The following TANK variants were observed in gnomAD, a reference collection of about 807,000 sequenced individuals.
TANK encodes the protein TRAF family member-associated NF-kappa-B activator.
A neutral mutation model predicts 43.6 loss-of-function variants in TANK; 15 were observed. The observed-to-expected ratio is 0.34, with a 90% CI of 0.23 to 0.53. The LOEUF is 0.53. Among genes scored for constraint, TANK ranks in the 20% least tolerant of loss-of-function variants. The pLI is 0.94. For missense variants in TANK, 417 were observed against 498.6 expected (o/e 0.84, Z 1.56); for synonymous variants, 162 against 178.2 (o/e 0.91, Z 0.73).
rs147280946 is a variant in TANK at position 161,172,481 on chromosome 2, T to C, written c.-49-7133T>C. Among the ~76,000 whole-genome samples the C allele has an allele frequency of 1.7e-4, 26 of 151,892 alleles. No individual in the cohort carries two copies. The East Asian group carries it at 4.8e-3, about 28-fold the overall frequency. On this transcript the variant is annotated intron_variant, in intron 1 of 7. Coordinates refer to ENST00000392749, the MANE Select transcript of TANK (RefSeq NM_001199135.3). The stretch of plus-strand genomic sequence containing the variant: ...ACAAACAATAGTGAAGGCATAGTTA[T>C]CTTCATTTTTTTCCTATAGATAATT...
At chr2:161,234,742 AT>A (rs1041169461) in intron 7 of TANK, among the ~76,000 whole-genome samples, 7 of 152,222 alleles carry the variant, frequency 4.6e-5, no homozygotes, top group African/African-American at 9.6e-5. Flanking sequence ...ATTTTGTTGA[AT>A]GATTAAATAT....
intron 6 of TANK, among the ~76,000 whole-genome samples, chr2:161,228,876 T>A (rs759569491): frequency 3.7e-4 from 57 of 152,248 alleles, no homozygotes; most frequent in Non-Finnish European, 7.2e-4. Flanking sequence ...AGTAACATGT[T>A]GTATAGGTTT....
chr2:161,162,625 G>A (rs555073822), intron 1 of TANK: 1 of 152,052 alleles, frequency 6.6e-6, no homozygotes, highest in African/African-American at 2.4e-5. Flanking sequence ...TTTTTATTAT[G>A]TCATCATTAA....
chr2:161,214,272 T>C (rs977619735), intron 4 of TANK, among the ~76,000 whole-genome samples: 2 of 152,200 alleles, frequency 1.3e-5, no homozygotes, highest in African/African-American at 4.8e-5. Context: ...AGTCATTCTT[T>C]CAAGCAAAAA....
intron 5 of TANK, among the ~76,000 whole-genome samples, chr2:161,224,305 A>C (rs952130535): frequency 6.6e-6 from 1 of 152,070 alleles, no homozygotes; most frequent in Non-Finnish European, 1.5e-5. Context: ...TATTCTATTT[A>C]AGATATTTGC....
rs940865950 is a variant in TANK at position 161,161,330 on chromosome 2, G to A, written c.-50+844G>A. 1.0e-5 allele frequency: 16 copies of A among 1,550,560 alleles called. No individual in the cohort carries two copies. In the African/African-American group the frequency reaches 1.8e-4, roughly 17 times the overall value. ...TAATAAGGGAGAGATGGTAGTAAAGGAAGTGAAGAAGCGACGTGAAATTGA... is the reference window on the plus strand; with the variant it reads ...TAATAAGGGAGAGATGGTAGTAAAGAAAGTGAAGAAGCGACGTGAAATTGA... On this transcript the variant is annotated intron_variant, in intron 1 of 7. Transcript: ENST00000392749.
chr2:161,189,169 A>G (rs576726918), intron 2 of TANK, among the ~76,000 whole-genome samples: 3 of 152,356 alleles, frequency 2.0e-5, no homozygotes, highest in South Asian at 2.1e-4. Flanking sequence ...CCAACAGCAT[A>G]TTAAAAGAAT....
At chr2:161,176,569 G>T (rs927950881) in intron 1 of TANK, among the ~76,000 whole-genome samples, 23 of 152,078 alleles carry the variant, frequency 1.5e-4, no homozygotes, top group Non-Finnish European at 1.3e-4. Context: ...TTTTAGTGCT[G>T]CATTTACATT....
chr2:161,147,647 G>A (rs781486681), intron 1 of TANK, among the ~76,000 whole-genome samples: 9 of 151,362 alleles, frequency 5.9e-5, no homozygotes, highest in Non-Finnish European at 1.0e-4. Context: ...CAGCTGCCTG[G>A]TCAGTTCTGA....
intron 1 of TANK, among the ~76,000 whole-genome samples, chr2:161,148,044 G>A (rs541217319): frequency 7.2e-4 from 109 of 152,276 alleles, no homozygotes; most frequent in Admixed American, 3.2e-3. Context: ...ATACCTATCA[G>A]TAGAATTCTG....
rs1687890743 is a variant in TANK at position 161,231,124 on chromosome 2, C to T, written c.674C>T (p.Ser225Phe). 6.2e-7 allele frequency: 1 copy of T among 1,614,126 alleles called. No individual in the cohort carries two copies. Among genetic ancestry groups the T allele is most frequent in the Middle Eastern group, 1.6e-4 (1 of 6,062 alleles). ...CTGTGCAGAGATGAGGAAGACACCT[C>T]TTTTGAATCACTTTCTAAATTCAAT... Reference protein sequence around the residue: ...RGLCRDEEDTSFESLSKFNVK... With the variant: ...RGLCRDEEDTFFESLSKFNVK... The change falls in exon 7 of 8, where the codon TCT becomes TTT. Residue 225 changes from serine to phenylalanine, a missense_variant. Physicochemically the swap from Ser to Phe is radical, Grantham distance 155. Coordinates refer to ENST00000392749, the MANE Select transcript of TANK (RefSeq NM_001199135.3).
At chr2:161,225,901 A>G (rs1172848618) in intron 6 of TANK, among the ~76,000 whole-genome samples, 2 of 152,154 alleles carry the variant, frequency 1.3e-5, no homozygotes, top group Admixed American at 6.6e-5. Context: ...CTTTGTAGAC[A>G]GACATAATTT....
intron 1 of TANK, among the ~76,000 whole-genome samples, chr2:161,171,855 T>C (rs1421741582): frequency 6.6e-6 from 1 of 152,212 alleles, no homozygotes; most frequent in Non-Finnish European, 1.5e-5. Flanking sequence ...GTGACTTCTG[T>C]TATTGTCTTG....
At chr2:161,181,052 A>C (rs924399744) in intron 2 of TANK, among the ~76,000 whole-genome samples, 1 of 152,132 alleles carries the variant, frequency 6.6e-6, no homozygotes, top group Non-Finnish European at 1.5e-5. Context: ...ATCATTTAGG[A>C]AAGGTTTTCA....
chr2:161,201,666 C>G (rs1282439608), intron 2 of TANK, among the ~76,000 whole-genome samples: 1 of 152,186 alleles, frequency 6.6e-6, no homozygotes, highest in Non-Finnish European at 1.5e-5. Flanking sequence ...TTTGCTGATT[C>G]TTCAGCCCTG....
chr2:161,184,597 G>T (rs1685574504), intron 2 of TANK, among the ~76,000 whole-genome samples: 1 of 152,116 alleles, frequency 6.6e-6, no homozygotes, highest in Admixed American at 6.6e-5. Flanking sequence ...TTGGGGAAAA[G>T]ATTTAAGGTT....
chr2:161,179,802 A>G (rs1685338622), intron 2 of TANK, 41 bp downstream of exon 2: 1 of 1,576,386 alleles, frequency 6.3e-7, no homozygotes, highest in South Asian at 1.2e-5. Flanking sequence ...TTATCTTGGT[A>G]CATGGAATTT....
chr2:161,149,763 T>G (rs1262117398), intron 1 of TANK, among the ~76,000 whole-genome samples: 1 of 152,030 alleles, frequency 6.6e-6, no homozygotes, highest in African/African-American at 2.4e-5. Flanking sequence ...TTTTTCCATT[T>G]TTCTATGATG....
Position 161,176,620 on chromosome 2 carries a change from C to G in TANK, c.-49-2994C>G, listed in dbSNP as rs570901697. On this transcript the variant is annotated intron_variant, in intron 1 of 7. Coordinates refer to ENST00000392749, the MANE Select transcript of TANK (RefSeq NM_001199135.3). ...GCACCTTCTCGATAGAACAGACATGCATTTTTAACTCACAAACTCAAGAAC... is the reference window on the plus strand; with the variant it reads ...GCACCTTCTCGATAGAACAGACATGGATTTTTAACTCACAAACTCAAGAAC... Among the ~76,000 whole-genome samples, 3 of 152,214 alleles carry G rather than the reference C, an allele frequency of 2.0e-5. No homozygotes were observed. In the East Asian group the frequency reaches 5.8e-4, roughly 29 times the overall value.
Sources: allele counts gnomAD v4.1 joint callset (sites outside exome capture counted in the v4.1 genomes callset), GRCh38; gene constraint gnomAD v4.1.1; transcripts MANE v1.5; gene names NCBI Gene and HGNC (gene_info 2026-07-23, HGNC 2026-07-21).